OSBPL3: variants seen among roughly 807,000 people sequenced by gnomAD.
OSBPL3 encodes oxysterol binding protein like 3.
OSBPL3 carries 65 observed loss-of-function variants against 120.1 expected under a neutral mutation model. That is an observed-to-expected ratio of 0.54 (90% confidence interval 0.44 to 0.67). The LOEUF (loss-of-function observed/expected upper bound fraction) is 0.67, where lower values mean the gene tolerates loss of function less well. Ranked by LOEUF, OSBPL3 falls within the 30% of genes least tolerant of loss-of-function variation. OSBPL3 has a pLI of 0.00. For synonymous variants in OSBPL3, 416 were observed against 402.6 expected, an observed-to-expected ratio of 1.03 and a Z score of -0.40; for missense variants, 1,004 against 1,082.1, an observed-to-expected ratio of 0.93 and a Z score of 1.01.
rs1470288438 is a variant in OSBPL3 at position 24,862,027 on chromosome 7, C to T, written c.871-258G>A. 2.6e-5 allele frequency among the ~76,000 whole-genome samples: 4 copies of T among 152,024 alleles called. No homozygotes were observed. The highest frequency in any genetic ancestry group is 1.5e-5 in the Non-Finnish European group (1 of 68,014). On this transcript the variant is annotated intron_variant, in intron 9 of 22. Transcript: ENST00000313367. The surrounding 1 kb of genome is among the most constrained non-coding windows in gnomAD (Gnocchi z 4.4). The stretch of plus-strand genomic sequence containing the variant: ...TCAGCCTCCCAAGTAGCTGGGACTA[C>T]AGGCGCCCGCCACCACGCCCGGCTA...
At chr7:24,809,340 A>C (rs1442179769) in intron 20 of OSBPL3, among the ~76,000 whole-genome samples, 1 of 152,104 alleles carries the variant, frequency 6.6e-6, no homozygotes, top group South Asian at 2.1e-4. Context: ...AGAGCTCAGC[A>C]CCCTTCTGGA....
chr7:24,924,319 G>A (rs1393265989), intron 1 of OSBPL3, among the ~76,000 whole-genome samples: 2 of 152,140 alleles, frequency 1.3e-5, no homozygotes, highest in Non-Finnish European at 2.9e-5. Context: ...AACGCTAAGA[G>A]ATTTTTTCTT....
chr7:24,833,371 G>A lies in OSBPL3; in HGVS notation c.1746+1115C>T, dbSNP rs1260213194. Among the ~76,000 whole-genome samples, 7 of 152,178 alleles carry A rather than the reference G, an allele frequency of 4.6e-5. No individual in the cohort carries two copies. The highest frequency in any genetic ancestry group is 1.0e-4 in the Non-Finnish European group (7 of 68,030). ...TGACAAAGACCCTGACTCAAAAAAA[G>A]AGAAAGTCTCTTTGATGGGGAGGCC... On this transcript the variant is annotated intron_variant, in intron 15 of 22. Coordinates refer to ENST00000313367, the MANE Select transcript of OSBPL3 (RefSeq NM_015550.4). This position sits in a 1 kb window ranked among gnomAD's most constrained non-coding sequence, Gnocchi z 4.4.
intron 5 of OSBPL3, among the ~76,000 whole-genome samples, chr7:24,868,534 G>A (rs1423711412): frequency 6.6e-6 from 1 of 152,010 alleles, no homozygotes; most frequent in East Asian, 1.9e-4. Context: ...GTCAATCTGT[G>A]AAAATCTTTA....
rs1027614335 is a variant in OSBPL3, at chr7:24,900,846, C to T, written c.-149-8225G>A. 3.3e-5 allele frequency among the ~76,000 whole-genome samples: 5 copies of T among 152,052 alleles called. No homozygotes were observed. Among genetic ancestry groups the T allele is most frequent in the African/African-American group, 9.7e-5 (4 of 41,390 alleles). On this transcript the variant is annotated intron_variant, in intron 1 of 22. Coordinates refer to ENST00000313367, the MANE Select transcript of OSBPL3 (RefSeq NM_015550.4). The surrounding 1 kb of genome is among the most constrained non-coding windows in gnomAD (Gnocchi z 4.5). The stretch of plus-strand genomic sequence containing the variant: ...GGTGTGAAAGTAAGTGCGGATTTTG[C>T]CATTGGCACGAACCTAATACAAAAA...
In OSBPL3 at chr7:24,815,171, G is replaced by A. The variant is rs1794318597; in HGVS notation, c.2060C>T (p.Thr687Ile). ...FGDHFEWNKV[T>I]SCIHNILSGQ... ...GCTTAAGATGTTATGGATGCAAGAG[G>A]TCACTTTGTTCCACTCAAAATGATC... The change falls in exon 19 of 23, where the codon ACC becomes ATC. Residue 687 changes from threonine (T) to isoleucine (I), a missense_variant. Around this residue, in one of 4 missense-constraint regions of OSBPL3, gnomAD observed 473 missense variants for 568.0 expected, o/e 0.83. Coordinates refer to ENST00000313367, the MANE Select transcript of OSBPL3 (RefSeq NM_015550.4). The surrounding 1 kb of genome is among the most constrained non-coding windows in gnomAD (Gnocchi z 5.1). 1 of 1,613,706 alleles carries A rather than the reference G, an allele frequency of 6.2e-7. No individual in the cohort carries two copies. Among genetic ancestry groups the A allele is most frequent in the Non-Finnish European group, 8.5e-7 (1 of 1,179,666 alleles).
rs2128140582 is a variant in OSBPL3, at chr7:24,820,492, GC to G, written c.1885-255del. ...CTCCAGAAGCCTCCGTGGGAGGGCG[GC>G]CAGGTGGCGAGTGATGAGGATAGAG... is the stretch of plus-strand genomic sequence containing the variant. On this transcript the variant is annotated intron_variant, in intron 16 of 22. Transcript: ENST00000313367. This position sits in a 1 kb window ranked among gnomAD's most constrained non-coding sequence, Gnocchi z 4.6. 6.6e-6 allele frequency among the ~76,000 whole-genome samples: 1 copy of G among 152,210 alleles called. No individual in the cohort carries two copies. Among genetic ancestry groups the G allele is most frequent in the South Asian group, 2.1e-4 (1 of 4,810 alleles).
chr7:24,968,192 T>C lies in OSBPL3; in HGVS notation c.-150+11694A>G, dbSNP rs1188908502. Among the ~76,000 whole-genome samples the C allele has an allele frequency of 4.6e-5, 7 of 152,156 alleles. No homozygotes were observed. The highest frequency in any genetic ancestry group is 1.7e-4 in the African/African-American group (7 of 41,438). ...ATATTTTATATTTTTATATATACAG[T>C]GAGTACAATTAAATGTTTATCAACC... is the stretch of plus-strand genomic sequence containing the variant. On this transcript the variant is annotated intron_variant, in intron 1 of 22. Transcript: ENST00000313367. The surrounding 1 kb of genome is among the most constrained non-coding windows in gnomAD (Gnocchi z 4.6).
chr7:24,861,902 G>A (rs1270403827), intron 9 of OSBPL3, 133 bp from the exon 10 acceptor site: 2 of 521,166 alleles, frequency 3.8e-6, no homozygotes, highest in Non-Finnish European at 6.4e-6. Context: ...TTTTTTTTTG[G>A]GGGGGATGGA....
chr7:24,852,457 A>G lies in OSBPL3; in HGVS notation c.1158+47T>C. ...AAATAGAAATTACAAACCATTCATG[A>G]GCCTGGACACATCTCAGGCATTCCT... On this transcript the variant is annotated intron_variant, in intron 11 of 22. Transcript: ENST00000313367. The surrounding 1 kb of genome is among the most constrained non-coding windows in gnomAD (Gnocchi z 4.1). 1.3e-6 allele frequency: 2 copies of G among 1,482,570 alleles called. No individual in the cohort carries two copies. The highest frequency in any genetic ancestry group is 1.4e-5 in the South Asian group (1 of 70,204). 91.8% of individuals were successfully genotyped at this position (1,482,570 alleles called of 1,614,324 possible). A position where few individuals can be genotyped will look rare whatever the true frequency, so the allele number is the denominator to read the frequency against.
chr7:24,891,714 A>G lies in OSBPL3; in HGVS notation c.96+663T>C, dbSNP rs1269513925. 6.6e-6 allele frequency among the ~76,000 whole-genome samples: 1 copy of G among 152,238 alleles called. No individual in the cohort carries two copies. The highest frequency in any genetic ancestry group is 2.4e-5 in the African/African-American group (1 of 41,454). ...GATTTATTAGAAAGGAAACCAAGAA[A>G]CAATATATAATTACTCAACAGTTAT... On this transcript the variant is annotated intron_variant, in intron 2 of 22. Transcript: ENST00000313367. This position sits in a 1 kb window ranked among gnomAD's most constrained non-coding sequence, Gnocchi z 4.1.
At position 24,900,882 on chromosome 7, in the gene OSBPL3, G is replaced by A. The variant is rs114305558; in HGVS notation, c.-149-8261C>T. On this transcript the variant is annotated intron_variant, in intron 1 of 22. Coordinates refer to ENST00000313367, the MANE Select transcript of OSBPL3 (RefSeq NM_015550.4). The surrounding 1 kb of genome is among the most constrained non-coding windows in gnomAD (Gnocchi z 4.5). ...AACCTAATACAAAAATTAGCTAGGC[G>A]TGCTAGTGCACACCTGTAGTATCAG... Among the ~76,000 whole-genome samples the A allele has an allele frequency of 0.017, 2,645 of 152,258 alleles. 70 individuals carry two copies. The highest frequency in any genetic ancestry group is 0.063 in the East Asian group (327 of 5,182).
In OSBPL3 at chr7:24,805,289, T is replaced by C. The variant is rs66553400; in HGVS notation, c.2445-852A>G. On this transcript the variant is annotated intron_variant, in intron 21 of 22. Transcript: ENST00000313367. This position sits in a 1 kb window ranked among gnomAD's most constrained non-coding sequence, Gnocchi z 4.0. ...CAATCTGATAGGTTAAAAATTGGGATGTCGACATGATTTTTAAATTTGCAT... is the reference window on the plus strand; with the variant it reads ...CAATCTGATAGGTTAAAAATTGGGACGTCGACATGATTTTTAAATTTGCAT... Among the ~76,000 whole-genome samples, 22,121 of 152,172 alleles carry C rather than the reference T, an allele frequency of 0.15. 3,903 individuals are homozygous for C. The highest frequency in any genetic ancestry group is 0.42 in the African/African-American group (17,532 of 41,440).
intron 2 of OSBPL3, among the ~76,000 whole-genome samples, chr7:24,878,654 G>C (rs934778921): frequency 6.6e-6 from 1 of 152,130 alleles, no homozygotes; most frequent in Non-Finnish European, 1.5e-5. Flanking sequence ...CTTGTTAAAT[G>C]TTTCTCAGCT....
At chr7:24,839,809 T>C (rs937641012) in intron 14 of OSBPL3, among the ~76,000 whole-genome samples, 10 of 151,228 alleles carry the variant, frequency 6.6e-5, no homozygotes, top group African/African-American at 2.4e-4. Context: ...GGTAATATGG[T>C]GAAACCTCGT....
In OSBPL3 at chr7:24,967,419, G is replaced by A. The variant is rs1483663152; in HGVS notation, c.-150+12467C>T. ...TTCTCTACCTTTTGAAATTGTACCA[G>A]GACACTTCAAGGTCCTGCTCTATTA... On this transcript the variant is annotated intron_variant, in intron 1 of 22. Coordinates refer to ENST00000313367, the MANE Select transcript of OSBPL3 (RefSeq NM_015550.4). This position sits in a 1 kb window ranked among gnomAD's most constrained non-coding sequence, Gnocchi z 5.6. 1.3e-5 allele frequency among the ~76,000 whole-genome samples: 2 copies of A among 151,972 alleles called. No homozygotes were observed. The highest frequency in any genetic ancestry group is 2.9e-5 in the Non-Finnish European group (2 of 68,002).
At chr7:24,893,467 G>A (rs552818232) in intron 1 of OSBPL3, among the ~76,000 whole-genome samples, 1 of 152,228 alleles carries the variant, frequency 6.6e-6, no homozygotes. Context: ...ACTGAGGGGA[G>A]AGTAGAGTGA....
chr7:24,832,909 C>A (rs1796571346), intron 15 of OSBPL3, among the ~76,000 whole-genome samples: 2 of 152,138 alleles, frequency 1.3e-5, no homozygotes, highest in Non-Finnish European at 2.9e-5. Flanking sequence ...GGATGAGAAG[C>A]CTCTCCTCAA....
chr7:24,831,862 C>T lies in OSBPL3; in HGVS notation c.1747-957G>A. On this transcript the variant is annotated intron_variant, in intron 15 of 22. Transcript: ENST00000313367. This position sits in a 1 kb window ranked among gnomAD's most constrained non-coding sequence, Gnocchi z 4.0. ...GCCTGTAATAGGGACCACCTCACCA[C>T]CTCATGCTATAGAATTCTCTAGAGC... Among the ~76,000 whole-genome samples the T allele has an allele frequency of 6.6e-6, 1 of 152,182 alleles. No homozygotes were observed. Among genetic ancestry groups the T allele is most frequent in the Non-Finnish European group, 1.5e-5 (1 of 68,024 alleles).
Sources: gnomAD v4.1 joint callset for allele counts (sites outside exome capture counted in the v4.1 genomes callset) on GRCh38, gnomAD v4.1.1 for gene constraint, gnomAD v4.1.1 regional missense constraint, Gnocchi (gnomAD v3.1) non-coding constraint, MANE v1.5 for transcripts, NCBI Gene and HGNC (gene_info 2026-07-23, HGNC 2026-07-21) for gene names.